COL5A2: variants seen among roughly 807,000 people sequenced by gnomAD.
The protein encoded by COL5A2 is collagen type V alpha 2 chain, also known as collagen alpha-2(V) chain.
COL5A2 carries 23 observed loss-of-function variants against 208.2 expected under a neutral mutation model. The ratio of observed to expected loss-of-function variants is 0.11; its 90% CI spans 0.08 to 0.16. The LOEUF is 0.16. Ranked by LOEUF, COL5A2 falls within the 10% of genes least tolerant of loss-of-function variation. The pLI, the probability that COL5A2 is intolerant of heterozygous loss-of-function variation, is 1.00. For synonymous variants in COL5A2, 625 were observed against 628.5 expected (o/e 0.99, Z 0.08); for missense variants, 1,590 against 1,956.4 (o/e 0.81, Z 3.53).
the COL5A2 span, among the ~76,000 whole-genome samples, chr2:189,367,036 C>T: frequency 1.3e-5 from 2 of 152,288 alleles, no homozygotes; most frequent in East Asian, 3.9e-4. Flanking sequence ...GAATCTAGCG[C>T]ATAGGAAAAC....
the COL5A2 span, among the ~76,000 whole-genome samples, chr2:189,416,727 T>A: frequency 0.8 from 121,655 of 151,980 alleles, 50,203 homozygotes; most frequent in Non-Finnish European, 0.9. Context: ...TAAAATTTTT[T>A]AAAAAAATCC....
At chr2:189,375,763 A>T in the COL5A2 span, among the ~76,000 whole-genome samples, 1 of 152,246 alleles carries the variant, frequency 6.6e-6, no homozygotes, top group African/African-American at 2.4e-5. Flanking sequence ...TTATTTAGAC[A>T]TCTGGAATTC....
chr2:189,294,621 A>G, the COL5A2 span, among the ~76,000 whole-genome samples: 1 of 152,192 alleles, frequency 6.6e-6, no homozygotes, highest in Admixed American at 6.5e-5. Context: ...TCATTTGAAA[A>G]TTTCAAAGCA....
intron 30 of COL5A2, among the ~76,000 whole-genome samples, chr2:189,061,162 A>C (rs1686024181): frequency 6.6e-6 from 1 of 152,122 alleles, no homozygotes; most frequent in Non-Finnish European, 1.5e-5. Context: ...CCTCCTATTA[A>C]ATAATGTACA....
intron 1 of COL5A2, among the ~76,000 whole-genome samples, chr2:189,114,563 A>C (rs1687349295): frequency 6.6e-6 from 1 of 150,688 alleles, no homozygotes; most frequent in East Asian, 2.0e-4. Flanking sequence ...TGTCCTCCTG[A>C]TTTCTCTATC....
At chr2:189,160,182 T>C (rs1464106887) in intron 1 of COL5A2, among the ~76,000 whole-genome samples, 3 of 152,156 alleles carry the variant, frequency 2.0e-5, no homozygotes, top group Non-Finnish European at 2.9e-5. Flanking sequence ...ATTCATTCCT[T>C]GTAGATTCAG....
At chr2:189,431,921 G>GA in the COL5A2 span, among the ~76,000 whole-genome samples, 1 of 152,078 alleles carries the variant, frequency 6.6e-6, no homozygotes, top group African/African-American at 2.4e-5. Flanking sequence ...AGAAATGAAG[G>GA]AAAAAATGTT....
At chr2:189,257,114 A>G in the COL5A2 span, among the ~76,000 whole-genome samples, 2 of 152,222 alleles carry the variant, frequency 1.3e-5, no homozygotes, top group Admixed American at 1.3e-4. Flanking sequence ...AGGAAAGTCT[A>G]TATACATTCA....
At chr2:189,128,522 T>A (rs564155687) in intron 1 of COL5A2, among the ~76,000 whole-genome samples, 63 of 152,168 alleles carry the variant, frequency 4.1e-4, no homozygotes, top group African/African-American at 1.5e-3. Context: ...GCCTTGATTT[T>A]CTTTTAAGTT....
At chr2:189,260,895 T>C in the COL5A2 span, among the ~76,000 whole-genome samples, 2 of 152,186 alleles carry the variant, frequency 1.3e-5, no homozygotes, top group Admixed American at 1.3e-4. Context: ...TGTTCAAAAA[T>C]AGAACAGATA....
chr2:189,364,648 C>T, the COL5A2 span, among the ~76,000 whole-genome samples: 5 of 151,674 alleles, frequency 3.3e-5, no homozygotes, highest in Non-Finnish European at 7.4e-5. Context: ...TGTGCCACTG[C>T]ACTCCAGCAT....
the COL5A2 span, among the ~76,000 whole-genome samples, chr2:189,326,817 T>C: frequency 1.3e-5 from 2 of 151,924 alleles, no homozygotes; most frequent in Non-Finnish European, 2.9e-5. Flanking sequence ...ACACCTGTAA[T>C]CCAAGCACTT....
chr2:189,439,339 T>A, the COL5A2 span, among the ~76,000 whole-genome samples: 1 of 152,354 alleles, frequency 6.6e-6, no homozygotes, highest in Non-Finnish European at 1.5e-5. Flanking sequence ...TAGTAAATAT[T>A]TCCTGGATGG....
intron 23 of COL5A2, 133 bp downstream of exon 23, chr2:189,066,257 A>T (rs1447060308): frequency 2.3e-6 from 2 of 862,314 alleles, no homozygotes; most frequent in East Asian, 4.8e-5. Context: ...TTCTATTTGC[A>T]CATAACTGTA....
chr2:189,250,210 G>A, the COL5A2 span, among the ~76,000 whole-genome samples: 10 of 152,214 alleles, frequency 6.6e-5, no homozygotes, highest in Non-Finnish European at 1.3e-4. Flanking sequence ...TGTGTACAGA[G>A]TACAGGTCCT....
At chr2:189,289,875 T>C in the COL5A2 span, among the ~76,000 whole-genome samples, 6 of 152,184 alleles carry the variant, frequency 3.9e-5, no homozygotes, top group African/African-American at 7.2e-5. Context: ...TTTGTGTTCA[T>C]GGATTGTAAG....
the COL5A2 span, among the ~76,000 whole-genome samples, chr2:189,349,760 A>G: frequency 5.0e-3 from 768 of 152,278 alleles, 5 homozygotes; most frequent in Admixed American, 0.011. Flanking sequence ...TTCTCATCAG[A>G]TAATAGAATC....
Position 189,063,960 on chromosome 2 carries a change from C to T in COL5A2, c.1770+20G>A. 1.2e-6 allele frequency: 2 copies of T among 1,600,190 alleles called. No homozygotes were observed. The highest frequency in any genetic ancestry group is 1.7e-6 in the Non-Finnish European group (2 of 1,167,986). On this transcript the variant is annotated intron_variant, in intron 26 of 53. Coordinates refer to ENST00000374866, the MANE Select transcript of COL5A2 (RefSeq NM_000393.5). The stretch of plus-strand genomic sequence containing the variant: ...GTTGAAAAATATTAGTGGTTGTGGA[C>T]TTCTGTTTAAATTACTTACCAAAGG...
chr2:189,406,940 G>A, the COL5A2 span, among the ~76,000 whole-genome samples: 1 of 152,036 alleles, frequency 6.6e-6, no homozygotes, highest in African/African-American at 2.4e-5. Context: ...AAAGGAAAAA[G>A]AAACCTAATT....
Sources: allele counts gnomAD v4.1 joint callset (sites outside exome capture counted in the v4.1 genomes callset), GRCh38; gene constraint gnomAD v4.1.1; transcripts MANE v1.5; gene names NCBI Gene and HGNC (gene_info 2026-07-23, HGNC 2026-07-21).